The following WIPF3 variants were observed in gnomAD, a reference collection of about 807,000 sequenced individuals.
WIPF3 encodes WAS/WASL interacting protein family member 3.
In WIPF3, 33 loss-of-function variants were observed where a neutral mutation model predicts 38.9. The ratio of observed to expected loss-of-function variants is 0.85; its 90% CI spans 0.64 to 1.14. WIPF3 has a LOEUF of 1.14. Among genes scored for constraint, WIPF3 ranks in the 50% most tolerant of loss-of-function variants. WIPF3 has a pLI of 0.00. For missense variants in WIPF3, 711 were observed against 652.5 expected (o/e 1.09, Z -0.98); for synonymous variants, 324 against 269.3 (o/e 1.20, Z -1.99).
chr7:29,891,521 A>G (rs1364985066), intron 7 of WIPF3, among the ~76,000 whole-genome samples: 1 of 152,196 alleles, frequency 6.6e-6, no homozygotes, highest in Non-Finnish European at 1.5e-5. Flanking sequence ...AGAGAGAGAA[A>G]GGGATCAGTA....
In WIPF3 at chr7:29,883,969, C is replaced by T; in HGVS notation, c.475C>T (p.His159Tyr). ...CAGGCTAGGCAATACCTCCGAGGCG[C>T]ATGGCGCTGCCAGGACAGCCCCGCC... Reference protein sequence around the residue: ...SPRLGNTSEAHGAARTAPPRP... With the variant: ...SPRLGNTSEAYGAARTAPPRP... The change falls in exon 5 of 9, where the codon CAT becomes TAT. Residue 159 changes from histidine to tyrosine, a missense_variant. By Grantham distance (83) the His-to-Tyr change is moderately conservative. Transcript: ENST00000242140. The T allele has an allele frequency of 2.6e-6, 4 of 1,545,184 alleles. No homozygotes were observed. Among genetic ancestry groups the T allele is most frequent in the Non-Finnish European group, 3.5e-6 (4 of 1,144,042 alleles).
At chr7:29,890,952 C>CCTGCCCTGTGCTCAGGTGGAGGGGGCGA (rs1562787981) in intron 7 of WIPF3, among the ~76,000 whole-genome samples, 5 of 43,300 alleles carry the variant, frequency 1.2e-4, no homozygotes, top group African/African-American at 2.7e-4. Context: ...GGAGGGGGCG[C>CCTGCCCTGTGCTCAGGTGGAGGGGGCGA]GGGCCTGCCC....
chr7:29,853,563 C>G (rs536562305), intron 2 of WIPF3, among the ~76,000 whole-genome samples: 118 of 152,364 alleles, frequency 7.7e-4, no homozygotes, highest in Admixed American at 5.4e-3. Context: ...ATGGCCTTCT[C>G]TGACAGTGTT....
chr7:29,806,547 G>C lies in WIPF3; in HGVS notation c.-189G>C, dbSNP rs553915510. Reference sequence around the variant, plus strand: ...CCGGGGAGCGAGCCGGGCGCACCGAGCGCAGCTCGGCGGTAGCGGCGCCGC... The same window carrying C: ...CCGGGGAGCGAGCCGGGCGCACCGACCGCAGCTCGGCGGTAGCGGCGCCGC... On this transcript the variant is annotated 5_prime_UTR_variant, in exon 1 of 9. Coordinates refer to ENST00000242140, the MANE Select transcript of WIPF3 (RefSeq NM_001080529.3). The C allele has an allele frequency of 7.3e-5, 11 of 151,282 alleles. No homozygotes were observed. Among genetic ancestry groups the C allele is most frequent in the Non-Finnish European group, 1.5e-5 (1 of 67,774 alleles). 9.4% of individuals were successfully genotyped at this position (151,282 alleles called of 1,614,324 possible). A position where few individuals can be genotyped will look rare whatever the true frequency, so the allele number is the denominator to read the frequency against.
chr7:29,864,730 A>G (rs1054909933), intron 2 of WIPF3, among the ~76,000 whole-genome samples: 1 of 152,096 alleles, frequency 6.6e-6, no homozygotes, highest in Non-Finnish European at 1.5e-5. Flanking sequence ...CACATTTCAG[A>G]TTCTCTATTT....
At chr7:29,813,316 C>T (rs918305750) in intron 1 of WIPF3, among the ~76,000 whole-genome samples, 7 of 152,214 alleles carry the variant, frequency 4.6e-5, no homozygotes, top group Non-Finnish European at 8.8e-5. Context: ...TTTTAGAACA[C>T]AGATGTCTAA....
At chr7:29,901,867 G>T (rs1264852791) in intron 7 of WIPF3, among the ~76,000 whole-genome samples, 3 of 141,470 alleles carry the variant, frequency 2.1e-5, no homozygotes, top group African/African-American at 7.8e-5. Context: ...AGAAAGAAAA[G>T]AAAGAAAACC....
At chr7:29,900,486 C>T (rs188114590) in intron 7 of WIPF3, among the ~76,000 whole-genome samples, 170 of 152,214 alleles carry the variant, frequency 1.1e-3, no homozygotes, top group Non-Finnish European at 2.2e-3. Flanking sequence ...TGAGCGGGCT[C>T]AGTTCTCTGC....
chr7:29,833,195 G>C (rs918564537), intron 1 of WIPF3, among the ~76,000 whole-genome samples: 3 of 152,220 alleles, frequency 2.0e-5, no homozygotes, highest in Admixed American at 1.3e-4. Flanking sequence ...TGTTTAATGG[G>C]TACAGAGTTT....
At chr7:29,882,622 T>A (rs962375455) in intron 4 of WIPF3, among the ~76,000 whole-genome samples, 1 of 152,194 alleles carries the variant, frequency 6.6e-6, no homozygotes. Context: ...GTACTTTAAG[T>A]GTATGGCTTA....
At chr7:29,818,738 A>G (rs545186793) in intron 1 of WIPF3, among the ~76,000 whole-genome samples, 1 of 152,138 alleles carries the variant, frequency 6.6e-6, no homozygotes, top group South Asian at 2.1e-4. Context: ...TAGGATAATG[A>G]TAACTAGTAG....
chr7:29,854,941 C>T (rs1431173939), intron 2 of WIPF3, among the ~76,000 whole-genome samples: 1 of 152,224 alleles, frequency 6.6e-6, no homozygotes, highest in Non-Finnish European at 1.5e-5. Flanking sequence ...ACACCTTGGT[C>T]TTGACCTTCT....
At chr7:29,808,867 A>G (rs1405528152) in intron 1 of WIPF3, among the ~76,000 whole-genome samples, 2 of 152,192 alleles carry the variant, frequency 1.3e-5, no homozygotes, top group Non-Finnish European at 2.9e-5. Context: ...AAGAATAAAG[A>G]ATATAACCTA....
At chr7:29,905,295 A>T (rs1786371965) in intron 8 of WIPF3, 1 of 152,248 alleles carries the variant, frequency 6.6e-6, no homozygotes, top group Non-Finnish European at 1.5e-5. Flanking sequence ...TAGTTAAGGA[A>T]GAAGTATATA....
intron 2 of WIPF3, among the ~76,000 whole-genome samples, chr7:29,852,235 GCGTCAAGCAATCCTCC>G (rs1488615533): frequency 6.6e-6 from 1 of 152,078 alleles, no homozygotes; most frequent in Admixed American, 6.6e-5. Context: ...CAAACTCCTG[GCGTCAAGCAATCCTCC>G]TGCCTTGGCC....
At chr7:29,822,397 G>A (rs73303119) in intron 1 of WIPF3, among the ~76,000 whole-genome samples, 2,262 of 152,186 alleles carry the variant, frequency 0.015, 61 homozygotes, top group African/African-American at 0.052. Flanking sequence ...TTCCCCAGCC[G>A]GTAGAGGTGG....
rs778466814 is a variant in WIPF3 at position 29,904,288 on chromosome 7, C to T, written c.1354C>T (p.Arg452Cys). ...GAGATTGTTCTTTTTTCCTTCAGGC[C>T]GTACACCTGGTCCCTGGCTCCAAGC... ...KIYPSKIPRS[R>C]TPGPWLQAEA... is the part of the protein sequence containing the mutation. The change falls in exon 8 of 9, where the codon CGT becomes TGT. Residue 452 changes from arginine (R) to cysteine (C), a missense_variant and splice_region_variant. Arg to Cys is a radical substitution (Grantham distance 180). Transcript: ENST00000242140. 12 of 1,613,550 alleles carry T rather than the reference C, an allele frequency of 7.4e-6. No individual in the cohort carries two copies. In the Middle Eastern group the frequency reaches 8.2e-4, roughly 111 times the overall value.
intron 2 of WIPF3, among the ~76,000 whole-genome samples, chr7:29,866,016 G>C (rs145090171): frequency 1.3e-5 from 2 of 152,116 alleles, no homozygotes; most frequent in African/African-American, 4.8e-5. Flanking sequence ...AAAATTAGCC[G>C]GGCGTGATGG....
chr7:29,833,786 T>C (rs554564628), intron 1 of WIPF3, among the ~76,000 whole-genome samples: 40 of 152,326 alleles, frequency 2.6e-4, no homozygotes, highest in African/African-American at 9.4e-4. Context: ...CAGTTTCTGC[T>C]TTGATTGTTT....
Sources: gnomAD v4.1 joint callset for allele counts (sites outside exome capture counted in the v4.1 genomes callset) on GRCh38, gnomAD v4.1.1 for gene constraint, MANE v1.5 for transcripts, NCBI Gene and HGNC (gene_info 2026-07-23, HGNC 2026-07-21) for gene names.